Variants in PCA3 observed in about 807,000 individuals in gnomAD.
The protein encoded by PCA3 is prostate cancer associated 3, also known as Differential Display code 3.
intron 2 of PCA3, among the ~76,000 whole-genome samples, chr9:76,772,863 CCTGA>C (rs1294857546): frequency 1.3e-5 from 2 of 152,186 alleles, no homozygotes; most frequent in South Asian, 2.1e-4. Flanking sequence ...CTGTACCCAG[CCTGA>C]CTATGTAAAT....
chr9:76,773,167 G>A (rs1220573253), intron 2 of PCA3, among the ~76,000 whole-genome samples: 2 of 152,100 alleles, frequency 1.3e-5, no homozygotes, highest in East Asian at 1.9e-4. Flanking sequence ...TCACCAAAGC[G>A]GTCTTTTGTT....
At chr9:76,776,364 C>T (rs73460271) in intron 2 of PCA3, among the ~76,000 whole-genome samples, 2,291 of 152,188 alleles carry the variant, frequency 0.015, 72 homozygotes, top group African/African-American at 0.05. Context: ...GTTTAGCCCC[C>T]ACTTACAAGT....
chr9:76,783,443 T>C (rs1043231138), intron 2 of PCA3, among the ~76,000 whole-genome samples: 1 of 152,132 alleles, frequency 6.6e-6, no homozygotes. Flanking sequence ...CAAGAAGTCA[T>C]ATGACCTGTG....
chr9:76,783,761 T>C (rs1403187960), intron 2 of PCA3: 1 of 152,144 alleles, frequency 6.6e-6, no homozygotes, highest in Admixed American at 6.5e-5. Context: ...TCTGCTGAAA[T>C]GGAGATAATT....
chr9:76,774,214 C>A (rs1223032116), intron 2 of PCA3, among the ~76,000 whole-genome samples: 3 of 152,092 alleles, frequency 2.0e-5, no homozygotes, highest in Admixed American at 6.5e-5. Context: ...TAGCTCACTG[C>A]AGCCTCAACC....
At chr9:76,778,154 G>A (rs2054000861) in intron 2 of PCA3, among the ~76,000 whole-genome samples, 4 of 152,186 alleles carry the variant, frequency 2.6e-5, no homozygotes, top group African/African-American at 9.7e-5. Flanking sequence ...TCTGGAGGTA[G>A]ACTTGAGAAT....
intron 2 of PCA3, chr9:76,784,525 T>G (rs192316440): frequency 6.6e-6 from 1 of 152,390 alleles, no homozygotes; most frequent in African/African-American, 2.4e-5. Context: ...TTGTAATATC[T>G]GATCTCTACG....
At chr9:76,776,499 C>CTTTTTTT (rs58566943) in intron 2 of PCA3, among the ~76,000 whole-genome samples, 12 of 136,406 alleles carry the variant, frequency 8.8e-5, no homozygotes, top group South Asian at 2.3e-4. Context: ...ACCACATTTT[C>CTTTTTTT]TTTTTTTTTT....
intron 2 of PCA3, chr9:76,785,301 T>C (rs2054863222): frequency 6.6e-6 from 1 of 152,212 alleles, no homozygotes; most frequent in African/African-American, 2.4e-5. Context: ...ACATATGAGA[T>C]TCATCATCAC....
intron 2 of PCA3, chr9:76,784,260 T>G (rs1274967887): frequency 6.6e-6 from 1 of 152,206 alleles, no homozygotes; most frequent in Non-Finnish European, 1.5e-5. Flanking sequence ...CTGTTGTGGA[T>G]ATTTATTTGA....
intron 2 of PCA3, among the ~76,000 whole-genome samples, chr9:76,779,437 T>C (rs527642953): frequency 2.0e-5 from 3 of 152,320 alleles, no homozygotes; most frequent in East Asian, 1.9e-4. Flanking sequence ...AAATAATCTA[T>C]AGTACATCTT....
chr9:76,776,893 T>TACACAC (rs541232508), intron 2 of PCA3, among the ~76,000 whole-genome samples: 2,771 of 115,566 alleles, frequency 0.024, 73 homozygotes, highest in Non-Finnish European at 0.03. Context: ...CCAAAACACA[T>TACACAC]ACACACACAC....
At chr9:76,783,142 T>C (rs1000572270) in intron 2 of PCA3, among the ~76,000 whole-genome samples, 1 of 152,190 alleles carries the variant, frequency 6.6e-6, no homozygotes, top group Non-Finnish European at 1.5e-5. Context: ...TTTTTTTGTT[T>C]GTTTGTTTTT....
chr9:76,780,869 C>T (rs1302314052), intron 2 of PCA3, among the ~76,000 whole-genome samples: 2 of 152,166 alleles, frequency 1.3e-5, no homozygotes, highest in Non-Finnish European at 2.9e-5. Context: ...CCCAGGACCA[C>T]GCAGGCTACG....
At chr9:76,772,633 A>C (rs1022725816) in intron 2 of PCA3, among the ~76,000 whole-genome samples, 2 of 152,134 alleles carry the variant, frequency 1.3e-5, no homozygotes, top group Non-Finnish European at 2.9e-5. Flanking sequence ...GTGCAATCAC[A>C]GTTCACTGTA....
chr9:76,781,046 T>C (rs2054335557), intron 2 of PCA3, among the ~76,000 whole-genome samples: 1 of 152,204 alleles, frequency 6.6e-6, no homozygotes, highest in Non-Finnish European at 1.5e-5. Context: ...TATTGGTTAT[T>C]ACTTAAATAA....
chr9:76,774,463 T>A (rs1206741782), intron 2 of PCA3, among the ~76,000 whole-genome samples: 1,455 of 141,238 alleles, frequency 0.01, 47 homozygotes, highest in African/African-American at 0.035. Flanking sequence ...TTTTTTTTTT[T>A]TTTTTTTTTT....
intron 2 of PCA3, among the ~76,000 whole-genome samples, chr9:76,772,017 G>A (rs769111760): frequency 2.0e-5 from 3 of 152,312 alleles, no homozygotes; most frequent in African/African-American, 4.8e-5. Context: ...TACGAAGTCC[G>A]AGAGCAGAGT....
At chr9:76,776,982 C>G (rs551500422) in intron 2 of PCA3, among the ~76,000 whole-genome samples, 2 of 150,890 alleles carry the variant, frequency 1.3e-5, no homozygotes, top group Non-Finnish European at 2.9e-5. Flanking sequence ...AGCGGAGATT[C>G]TCGGCACTCC....
Sources: gnomAD v4.1 joint callset for allele counts (sites outside exome capture counted in the v4.1 genomes callset) on GRCh38, gnomAD v4.1.1 for gene constraint, MANE v1.5 for transcripts, NCBI Gene and HGNC (gene_info 2026-07-23, HGNC 2026-07-21) for gene names.